The following ARFGEF2 variants were observed in gnomAD, a reference collection of about 807,000 sequenced individuals.
ARFGEF2 encodes the protein ARF guanine nucleotide exchange factor 2.
Under a neutral mutation model 219.9 loss-of-function variants are expected in ARFGEF2, and 74 were observed. The ratio of observed to expected loss-of-function variants is 0.34; its 90% CI spans 0.28 to 0.41. ARFGEF2 has a LOEUF of 0.41. ARFGEF2 is among the 10% of genes least tolerant of loss of function. The pLI, the probability that ARFGEF2 is intolerant of heterozygous loss-of-function variation, is 1.00. For missense variants in ARFGEF2, 1,743 were observed against 2,218.3 expected (o/e 0.79, Z 4.30); for synonymous variants, 733 against 799.2 (o/e 0.92, Z 1.40).
chr20:48,928,274 C>T (rs1231666468), intron 1 of ARFGEF2, among the ~76,000 whole-genome samples: 1 of 142,024 alleles, frequency 7.0e-6, no homozygotes, highest in Non-Finnish European at 1.5e-5. Context: ...TCTCGGCTCA[C>T]TGCAAGCTCC....
rs1363054660 is a variant in ARFGEF2 at position 49,016,342 on chromosome 20, C to G, written c.4242C>G (p.Thr1414=). ...HALYAICDVF[T]QFYEALNEVL... is the part of the protein sequence containing the mutation. Reference sequence around the variant, plus strand: ...TTTATGCTATTTGTGATGTTTTTACCCAGTTTTATGAAGCTTTGAATGAAG... The same window carrying G: ...TTTATGCTATTTGTGATGTTTTTACGCAGTTTTATGAAGCTTTGAATGAAG... Residue 1414 remains threonine (T), a synonymous_variant, in exon 31 of 39, where the codon ACC becomes ACG. Coordinates refer to ENST00000371917, the MANE Select transcript of ARFGEF2 (RefSeq NM_006420.3). The G allele has an allele frequency of 8.7e-6, 14 of 1,613,766 alleles. No individual in the cohort carries two copies. The highest frequency in any genetic ancestry group is 1.7e-5 in the Admixed American group (1 of 59,972).
intron 6 of ARFGEF2, among the ~76,000 whole-genome samples, chr20:48,960,978 G>T (rs1048838522): frequency 2.0e-5 from 3 of 151,112 alleles, no homozygotes; most frequent in African/African-American, 7.3e-5. Flanking sequence ...TACTCAGGAG[G>T]CTGAGGCAGG....
intron 4 of ARFGEF2, among the ~76,000 whole-genome samples, 158 bp from the exon 5 acceptor site, chr20:48,952,547 A>G (rs1326407264): frequency 1.3e-5 from 2 of 152,184 alleles, no homozygotes; most frequent in Non-Finnish European, 2.9e-5. Context: ...TCTTCATAAT[A>G]ATCACCTAGT....
intron 21 of ARFGEF2, 91 bp from the exon 22 acceptor site, chr20:48,994,360 C>G (rs1212548558): frequency 5.2e-6 from 8 of 1,542,980 alleles, no homozygotes; most frequent in Middle Eastern, 1.7e-4. Context: ...TCCATTGAAC[C>G]AACTTTTTTT....
chr20:48,952,280 C>T lies in ARFGEF2; in HGVS notation c.424-425C>T, dbSNP rs1189716669. 2.0e-5 allele frequency among the ~76,000 whole-genome samples: 3 copies of T among 151,426 alleles called. No individual in the cohort carries two copies. In the East Asian group the frequency reaches 5.8e-4, roughly 29 times the overall value. ...AAGCAGTTCTTGTTCCTCATCCTCC[C>T]GAGTAGCTGGGACTACAGGTGTGTG... On this transcript the variant is annotated intron_variant, in intron 4 of 38. Coordinates refer to ENST00000371917, the MANE Select transcript of ARFGEF2 (RefSeq NM_006420.3).
chr20:49,025,521 T>G (rs2091596885), intron 36 of ARFGEF2, 40 bp downstream of exon 36: 2 of 1,610,750 alleles, frequency 1.2e-6, no homozygotes, highest in Non-Finnish European at 1.7e-6. Context: ...GCCACACTGG[T>G]CACCTTCCTA....
chr20:48,977,174 C>G (rs370049355), intron 14 of ARFGEF2, among the ~76,000 whole-genome samples: 2 of 151,650 alleles, frequency 1.3e-5, no homozygotes, highest in Non-Finnish European at 2.9e-5. Flanking sequence ...ATTCCCCGCC[C>G]TGTGTCTGAG....
At position 49,033,565 on chromosome 20, in the gene ARFGEF2, G is replaced by A. The variant is rs2091649565; in HGVS notation, c.*366G>A. ...CTCCTTGAAAATACTGAACATAGCT[G>A]TATAGGTTTGTGATTATTAGAGAAT... is the stretch of plus-strand genomic sequence containing the variant. On this transcript the variant is annotated 3_prime_UTR_variant, in exon 39 of 39. Coordinates refer to ENST00000371917, the MANE Select transcript of ARFGEF2 (RefSeq NM_006420.3). 3 of 222,330 alleles carry A rather than the reference G, an allele frequency of 1.3e-5. No individual in the cohort carries two copies. The highest frequency in any genetic ancestry group is 1.5e-4 in the South Asian group (2 of 13,084). The allele number at this position is 222,330 out of a possible 1,614,324, so 13.8% of individuals were successfully genotyped here.
intron 37 of ARFGEF2, among the ~76,000 whole-genome samples, chr20:49,030,190 C>CG (rs965539373): frequency 2.0e-5 from 3 of 152,096 alleles, no homozygotes; most frequent in African/African-American, 7.2e-5. Context: ...TGGGCGTGAG[C>CG]CACTGCGCCC....
rs565544426 is a variant in ARFGEF2 at position 48,939,187 on chromosome 20, C to G, written c.122-2012C>G. Among the ~76,000 whole-genome samples the G allele has an allele frequency of 2.0e-5, 3 of 152,008 alleles. No individual in the cohort carries two copies. The East Asian group carries it at 5.8e-4, about 29-fold the overall frequency. On this transcript the variant is annotated intron_variant, in intron 1 of 38. Transcript: ENST00000371917. ...ATGGGGTTTCACCATGTTGGTCAGG[C>G]TGGTCTCAAACTCCTGACCTCGTGA...
Position 48,998,485 on chromosome 20 carries a change from A to G in ARFGEF2, c.3412A>G (p.Ile1138Val). ...ACAGTGGTCTCGAATATGGCATGTG[A>G]TTGGAGATCACTTCAATAAGGTAAC... ...RLQWSRIWHV[I>V]GDHFNKVGCN... is the part of the protein sequence containing the mutation. Residue 1138 changes from isoleucine (I) to valine (V), a missense_variant, in exon 25 of 39, where the codon ATT (isoleucine) becomes GTT (valine). Transcript: ENST00000371917. 6.2e-7 allele frequency: 1 copy of G among 1,613,720 alleles called. No homozygotes were observed. The highest frequency in any genetic ancestry group is 1.1e-5 in the South Asian group (1 of 91,054).
At chr20:48,976,374 T>A (rs1213992242) in intron 14 of ARFGEF2, among the ~76,000 whole-genome samples, 175 bp downstream of exon 14, 3 of 152,222 alleles carry the variant, frequency 2.0e-5, no homozygotes, top group African/African-American at 7.2e-5. Flanking sequence ...TGTGTGTCTG[T>A]GCACACAGAG....
intron 1 of ARFGEF2, among the ~76,000 whole-genome samples, chr20:48,926,176 A>G (rs970026003): frequency 2.6e-5 from 4 of 152,172 alleles, no homozygotes; most frequent in African/African-American, 9.7e-5. Flanking sequence ...AACTATTACT[A>G]CCATGTTTTC....
chr20:48,953,907 T>C, intron 6 of ARFGEF2, 117 bp downstream of exon 6: 1 of 1,021,262 alleles, frequency 9.8e-7, no homozygotes, highest in Non-Finnish European at 1.5e-6. Context: ...AGCTTATCTC[T>C]TTCTGGGCCT....
chr20:48,997,264 G>GGA (rs1600643182), intron 23 of ARFGEF2, among the ~76,000 whole-genome samples: 5 of 112,122 alleles, frequency 4.5e-5, no homozygotes, highest in Non-Finnish European at 8.8e-5. Context: ...TATATCTTAT[G>GGA]TATTGATTGA....
intron 36 of ARFGEF2, among the ~76,000 whole-genome samples, chr20:49,028,170 A>T (rs945843844): frequency 6.6e-6 from 1 of 152,146 alleles, no homozygotes; most frequent in African/African-American, 2.4e-5. Flanking sequence ...AGGCAGGAGA[A>T]TCGCTTGAAC....
Position 48,971,334 on chromosome 20 carries a change from C to T in ARFGEF2, c.1405C>T (p.His469Tyr). 1 of 1,614,074 alleles carries T rather than the reference C, an allele frequency of 6.2e-7. No individual in the cohort carries two copies. Among genetic ancestry groups the T allele is most frequent in the South Asian group, 1.1e-5 (1 of 91,088 alleles). Residue 469 changes from histidine (H) to tyrosine (Y), a missense_variant, in exon 10 of 39, where the codon CAC becomes TAC. By Grantham distance (83) the His-to-Tyr change is moderately conservative (BLOSUM62 2). Around this residue, in one of 5 missense-constraint regions of ARFGEF2, gnomAD observed 666 missense variants for 955.4 expected, o/e 0.70. Coordinates refer to ENST00000371917, the MANE Select transcript of ARFGEF2 (RefSeq NM_006420.3). ...TACTCTTCTTTCAAACTTTAAAATG[C>T]ACTTGAAAATGCAGATAGAGGTACG... is the stretch of plus-strand genomic sequence containing the variant. ...FLTLLSNFKM[H>Y]LKMQIEVFFK...
chr20:48,928,596 G>A (rs1293753694), intron 1 of ARFGEF2, among the ~76,000 whole-genome samples: 3 of 150,088 alleles, frequency 2.0e-5, no homozygotes, highest in African/African-American at 2.5e-5. Context: ...CTGGGTTCAC[G>A]CCATTCTCCT....
In ARFGEF2 at chr20:49,036,134, G is replaced by T; in HGVS notation, c.*2935G>T. 2.5e-6 allele frequency: 1 copy of T among 398,266 alleles called. No homozygotes were observed. Among genetic ancestry groups the T allele is most frequent in the Non-Finnish European group, 4.4e-6 (1 of 225,918 alleles). 24.7% of individuals were successfully genotyped at this position (398,266 alleles called of 1,614,324 possible). On this transcript the variant is annotated 3_prime_UTR_variant, in exon 39 of 39. Transcript: ENST00000371917. ...AATGTTTGTTGTTATGATGCAAATG[G>T]ATATTGGTTTCAATAGAAGCTGGAT...
Sources: allele counts gnomAD v4.1 joint callset (sites outside exome capture counted in the v4.1 genomes callset), GRCh38; gene constraint gnomAD v4.1.1; regional missense constraint gnomAD v4.1.1; transcripts MANE v1.5; gene names NCBI Gene and HGNC (gene_info 2026-07-23, HGNC 2026-07-21).